The following NPFFR2 variants were observed in gnomAD, a reference collection of about 807,000 sequenced individuals.
NPFFR2 encodes neuropeptide FF receptor 2.
A neutral mutation model predicts 13.1 loss-of-function variants in NPFFR2; 15 were observed. That is an observed-to-expected ratio of 1.15 (90% CI 0.77 to 1.76). NPFFR2 has a LOEUF of 1.76. Among genes scored for constraint, NPFFR2 ranks in the 40% most tolerant of loss-of-function variants. The probability of loss-of-function intolerance (pLI) is 0.00; values close to 1 mark genes in which losing one functional copy is unlikely to be tolerated. For missense variants in NPFFR2, 572 were observed against 503.5 expected (o/e 1.14, Z -1.30); for synonymous variants, 190 against 175.7 (o/e 1.08, Z -0.65).
At chr4:72,138,935 CTT>C (rs952320719) in intron 3 of NPFFR2, among the ~76,000 whole-genome samples, 4 of 152,164 alleles carry the variant, frequency 2.6e-5, no homozygotes, top group Non-Finnish European at 5.9e-5. Flanking sequence ...TGTTTCCTGA[CTT>C]TTTAATGATG....
chr4:72,124,383 A>T (rs556679349), intron 1 of NPFFR2, among the ~76,000 whole-genome samples: 10 of 152,282 alleles, frequency 6.6e-5, no homozygotes, highest in African/African-American at 2.2e-4. Context: ...TCTTCACAGA[A>T]TTAGAAAAAC....
At chr4:72,114,696 C>T (rs1481443373) in intron 1 of NPFFR2, among the ~76,000 whole-genome samples, 1 of 152,048 alleles carries the variant, frequency 6.6e-6, no homozygotes, top group Non-Finnish European at 1.5e-5. Context: ...CAGAAGTCAC[C>T]CCTACTAATA....
chr4:72,147,155 A>G lies in NPFFR2; in HGVS notation c.606A>G (p.Pro202=), dbSNP rs1182257083. The G allele has an allele frequency of 4.3e-6, 7 of 1,614,188 alleles. No homozygotes were observed. The highest frequency in any genetic ancestry group is 1.3e-5 in the African/African-American group (1 of 75,050). ...TCAACTCCCAGAATAAAACCAGTCCAGTCTACTGGTGCCGGGAAGACTGGC... is the reference window on the plus strand; with the variant it reads ...TCAACTCCCAGAATAAAACCAGTCCGGTCTACTGGTGCCGGGAAGACTGGC... The part of the protein sequence containing the change: ...VRLNSQNKTS[P]VYWCREDWPN... Residue 202 remains proline, a synonymous_variant, in exon 4 of 4, where the codon CCA becomes CCG. Coordinates refer to ENST00000308744, the MANE Select transcript of NPFFR2 (RefSeq NM_004885.3).
At chr4:72,133,553 G>T (rs1462965550) in intron 2 of NPFFR2, among the ~76,000 whole-genome samples, 1 of 152,132 alleles carries the variant, frequency 6.6e-6, no homozygotes. Context: ...GAATGTCATT[G>T]GTGATTTAAT....
chr4:72,111,320 A>T (rs1010159748), intron 1 of NPFFR2, among the ~76,000 whole-genome samples: 4 of 152,072 alleles, frequency 2.6e-5, no homozygotes, highest in Admixed American at 2.6e-4. Flanking sequence ...CTATTCTGTG[A>T]GAATGCATAT....
intron 1 of NPFFR2, among the ~76,000 whole-genome samples, chr4:72,092,068 AT>A (rs1176750890): frequency 6.6e-6 from 1 of 151,858 alleles, no homozygotes; most frequent in Non-Finnish European, 1.5e-5. Flanking sequence ...TAATTTTTAA[AT>A]TTCCCTCTTG....
chr4:72,093,601 C>T lies in NPFFR2; in HGVS notation c.-7-34984C>T, dbSNP rs146296484. On this transcript the variant is annotated intron_variant, in intron 1 of 3. Transcript: ENST00000308744. ...TGGTGTTTGAGCTCTGAATTTCTTT[C>T]TTCTATTTGTTTGATTCTATTGCTG... 3.3e-3 allele frequency among the ~76,000 whole-genome samples: 497 copies of T among 150,960 alleles called. 5 individuals are homozygous for T. The highest frequency in any genetic ancestry group is 0.011 in the African/African-American group (460 of 41,222).
intron 1 of NPFFR2, among the ~76,000 whole-genome samples, chr4:72,052,954 A>T (rs780414528): frequency 9.9e-5 from 15 of 151,858 alleles, no homozygotes; most frequent in Non-Finnish European, 1.6e-4. Context: ...TATGACCTAG[A>T]ACACCCCTAC....
intron 1 of NPFFR2, among the ~76,000 whole-genome samples, chr4:72,057,170 A>G (rs1719774544): frequency 8.3e-6 from 1 of 120,988 alleles, no homozygotes; most frequent in Non-Finnish European, 1.8e-5. Context: ...ATAGAATTTA[A>G]AAATTACCAC....
intron 1 of NPFFR2, among the ~76,000 whole-genome samples, chr4:72,102,912 G>T (rs1318208705): frequency 1.3e-5 from 2 of 151,986 alleles, no homozygotes; most frequent in African/African-American, 4.8e-5. Context: ...GGGTCAAGTG[G>T]TATTTCTAGT....
intron 1 of NPFFR2, among the ~76,000 whole-genome samples, chr4:72,049,256 C>A (rs1031903908): frequency 1.3e-5 from 2 of 152,030 alleles, no homozygotes; most frequent in African/African-American, 4.8e-5. Context: ...TATTAAATAG[C>A]ATCTTTTGCA....
intron 1 of NPFFR2, among the ~76,000 whole-genome samples, chr4:72,082,174 AG>A (rs1349382001): frequency 6.6e-6 from 1 of 152,194 alleles, no homozygotes; most frequent in Admixed American, 6.5e-5. Context: ...AACTTCAAAA[AG>A]GATGCATGTC....
intron 1 of NPFFR2, among the ~76,000 whole-genome samples, chr4:72,092,741 G>T (rs781054482): frequency 8.6e-5 from 13 of 152,022 alleles, no homozygotes; most frequent in African/African-American, 3.1e-4. Context: ...TATGTGCCAG[G>T]TGAGTCTCTT....
At chr4:72,116,789 A>G (rs901126997) in intron 1 of NPFFR2, among the ~76,000 whole-genome samples, 1 of 151,812 alleles carries the variant, frequency 6.6e-6, no homozygotes, top group Non-Finnish European at 1.5e-5. Flanking sequence ...TTATACTGTC[A>G]CTCTGGTCTT....
intron 1 of NPFFR2, among the ~76,000 whole-genome samples, chr4:72,067,319 G>A (rs1190700715): frequency 1.3e-5 from 2 of 151,892 alleles, no homozygotes; most frequent in African/African-American, 4.8e-5. Flanking sequence ...AACGTTGGGT[G>A]GAAAGCCCTG....
At chr4:72,052,475 A>C (rs1368282418) in intron 1 of NPFFR2, among the ~76,000 whole-genome samples, 2 of 151,758 alleles carry the variant, frequency 1.3e-5, no homozygotes, top group African/African-American at 4.8e-5. Flanking sequence ...TCAATAAATT[A>C]GGTATTGATG....
intron 1 of NPFFR2, among the ~76,000 whole-genome samples, chr4:72,072,137 A>G (rs1040614633): frequency 6.6e-6 from 1 of 152,272 alleles, no homozygotes. Flanking sequence ...CTGTACCATT[A>G]GATTAACATG....
At chr4:72,079,919 A>G (rs899285422) in intron 1 of NPFFR2, among the ~76,000 whole-genome samples, 1 of 152,164 alleles carries the variant, frequency 6.6e-6, no homozygotes, top group African/African-American at 2.4e-5. Flanking sequence ...AGAAAAAAAT[A>G]CATTTTTGTG....
In NPFFR2 at chr4:72,133,791, T is replaced by C. The variant is rs553229744; in HGVS notation, c.329-4249T>C. Among the ~76,000 whole-genome samples, 5 of 152,324 alleles carry C rather than the reference T, an allele frequency of 3.3e-5. No individual in the cohort carries two copies. In the East Asian group the frequency reaches 7.7e-4, roughly 23 times the overall value. On this transcript the variant is annotated intron_variant, in intron 2 of 3. Transcript: ENST00000308744. ...GAAATTTTGAATGAGATTGAGTTCC[T>C]GATTTGGCTCTCGGCTTGACTGTTG... is the stretch of plus-strand genomic sequence containing the variant.
Sources: allele counts gnomAD v4.1 joint callset (sites outside exome capture counted in the v4.1 genomes callset), GRCh38; gene constraint gnomAD v4.1.1; transcripts MANE v1.5; gene names NCBI Gene and HGNC (gene_info 2026-07-23, HGNC 2026-07-21).